The following NPIPB2 variants were observed in gnomAD, a reference collection of about 807,000 sequenced individuals.
NPIPB2 encodes the protein nuclear pore complex interacting protein family member B2, also known as nuclear pore complex-interacting protein family member B2.
Under a neutral mutation model 30.8 loss-of-function variants are expected in NPIPB2, and 27 were observed. The observed-to-expected ratio is 0.88, with a 90% CI of 0.65 to 1.21. The LOEUF is 1.21. Ranked by LOEUF, NPIPB2 falls within the 50% of genes most tolerant of loss-of-function variation. The probability of loss-of-function intolerance (pLI) is 0.00; values close to 1 mark genes in which losing one functional copy is unlikely to be tolerated. For missense variants in NPIPB2, 440 were observed against 446.2 expected (o/e 0.99, Z 0.13); for synonymous variants, 147 against 162.0 (o/e 0.91, Z 0.70).
chr16:11,946,914 T>C (rs2055016286), upstream of NPIPB2, among the ~76,000 whole-genome samples: 1 of 151,540 alleles, frequency 6.6e-6, no homozygotes, highest in South Asian at 2.1e-4. Flanking sequence ...GAGATGGGGT[T>C]TCATCATGTT....
intron 1 of NPIPB2, among the ~76,000 whole-genome samples, chr16:11,958,789 A>C (rs2055133880): frequency 6.6e-6 from 1 of 152,128 alleles, no homozygotes; most frequent in Non-Finnish European, 1.5e-5. Flanking sequence ...TATTAAGGTT[A>C]AAGAGGTGGT....
chr16:11,966,794 A>G (rs2055197662), intron 1 of NPIPB2, among the ~76,000 whole-genome samples: 1 of 152,112 alleles, frequency 6.6e-6, no homozygotes, highest in African/African-American at 2.4e-5. Flanking sequence ...GAAATGAATA[A>G]CCAGTTGCTC....
intron 1 of NPIPB2, chr16:11,956,349 C>T (rs2055112668): frequency 6.6e-6 from 1 of 152,230 alleles, no homozygotes; most frequent in South Asian, 2.1e-4. Flanking sequence ...TGAACACTCT[C>T]TGGAGTCCCG....
At chr16:11,957,457 C>G (rs2055121324) in intron 1 of NPIPB2, among the ~76,000 whole-genome samples, 1 of 152,014 alleles carries the variant, frequency 6.6e-6, no homozygotes, top group African/African-American at 2.4e-5. Context: ...CCGTGCCCTA[C>G]CAACTTTTGT....
At chr16:11,958,356 A>T (rs2055130338) in intron 1 of NPIPB2, among the ~76,000 whole-genome samples, 1 of 151,170 alleles carries the variant, frequency 6.6e-6, no homozygotes, top group South Asian at 2.1e-4. Flanking sequence ...TGAACCCAGG[A>T]GGCGGAGGTT....
chr16:11,933,371 C>G (rs2054817031), intron 4 of NPIPB2, 146 bp downstream of exon 4: 2 of 1,299,670 alleles, frequency 1.5e-6, no homozygotes, highest in Admixed American at 4.7e-5. Flanking sequence ...ACAGCTTAAA[C>G]TAATGAAGCA....
chr16:11,961,132 G>T (rs2055149835), intron 1 of NPIPB2, among the ~76,000 whole-genome samples: 1 of 152,128 alleles, frequency 6.6e-6, no homozygotes, highest in African/African-American at 2.4e-5. Flanking sequence ...CAAAGTGCTG[G>T]GATTACAGGT....
exon 2 of NPIPB2, chr16:11,937,637 C>T (rs778887001): frequency 7.5e-6 from 12 of 1,599,078 alleles, no homozygotes; most frequent in Middle Eastern, 1.6e-4. Flanking sequence ...GTCAGTCCCA[C>T]GATGATGATG....
At chr16:11,941,793 C>G (rs529185829) in intron 1 of NPIPB2, 190 bp downstream of exon 1, 5 of 1,286,920 alleles carry the variant, frequency 3.9e-6, no homozygotes, top group Middle Eastern at 2.6e-4. Flanking sequence ...TCTCAGTCTC[C>G]CACTCTCCTC....
At chr16:11,969,483 C>A (rs2055221607) in intron 1 of NPIPB2, among the ~76,000 whole-genome samples, 1 of 152,196 alleles carries the variant, frequency 6.6e-6, no homozygotes. Flanking sequence ...TCTTGAACTC[C>A]TGACCTCGTG....
intron 1 of NPIPB2, among the ~76,000 whole-genome samples, chr16:11,961,712 G>A (rs1426040090): frequency 6.6e-6 from 1 of 151,400 alleles, no homozygotes; most frequent in Non-Finnish European, 1.5e-5. Flanking sequence ...CCTGGGAGAC[G>A]GAGGTTGCAG....
chr16:11,934,647 T>G (rs1184488870), intron 2 of NPIPB2, among the ~76,000 whole-genome samples: 1 of 150,500 alleles, frequency 6.6e-6, no homozygotes, highest in Non-Finnish European at 1.5e-5. Context: ...AATCACAAGG[T>G]CAAGAGATGG....
chr16:11,950,434 T>C (rs1221650960), intron 1 of NPIPB2, among the ~76,000 whole-genome samples: 5 of 152,144 alleles, frequency 3.3e-5, no homozygotes, highest in African/African-American at 1.2e-4. Flanking sequence ...CCCCCCAAAA[T>C]GCTGAGGTTA....
intron 1 of NPIPB2, among the ~76,000 whole-genome samples, chr16:11,941,639 G>A (rs141545146): frequency 2.0e-5 from 3 of 151,704 alleles, no homozygotes; most frequent in African/African-American, 4.9e-5. Context: ...AACCTTCTTC[G>A]GTCTGGGCCC....
intron 1 of NPIPB2, among the ~76,000 whole-genome samples, chr16:11,939,106 T>C (rs1212003604): frequency 2.0e-5 from 3 of 152,102 alleles, no homozygotes. Flanking sequence ...TAACATTGGA[T>C]GCATTTATTA....
chr16:11,945,910 A>G (rs76485668), upstream of NPIPB2, among the ~76,000 whole-genome samples: 1 of 151,788 alleles, frequency 6.6e-6, no homozygotes, highest in Non-Finnish European at 1.5e-5. Context: ...TCTCTCTCAC[A>G]TTCAAACATG....
At chr16:11,974,487 T>C (rs1264299914) in intron 1 of NPIPB2, among the ~76,000 whole-genome samples, 1 of 151,322 alleles carries the variant, frequency 6.6e-6, no homozygotes, top group Non-Finnish European at 1.5e-5. Context: ...ATTGCACTCC[T>C]GCCTGGGCGA....
At chr16:11,958,369 A>C (rs2055130534) in intron 1 of NPIPB2, among the ~76,000 whole-genome samples, 1 of 151,700 alleles carries the variant, frequency 6.6e-6, no homozygotes, top group African/African-American at 2.4e-5. Context: ...CGGAGGTTGC[A>C]GTGAGCCCAG....
chr16:11,967,234 A>G, intron 1 of NPIPB2: 1 of 243,254 alleles, frequency 4.1e-6, no homozygotes, highest in South Asian at 6.9e-5. Context: ...GCTCCTGACC[A>G]CAAGTGATCT....
Sources: allele counts gnomAD v4.1 joint callset (sites outside exome capture counted in the v4.1 genomes callset), GRCh38; gene constraint gnomAD v4.1.1; transcripts MANE v1.5; gene names NCBI Gene and HGNC (gene_info 2026-07-23, HGNC 2026-07-21).